Variants in ACLY observed in about 807,000 individuals in gnomAD.
The protein encoded by ACLY is ATP citrate lyase, also known as ATP-citrate synthase.
ACLY carries 41 observed loss-of-function variants against 133.0 expected under a neutral mutation model. That is an observed-to-expected ratio of 0.31 (90% CI 0.24 to 0.40). The LOEUF is 0.40. Among genes scored for constraint, ACLY ranks in the 10% least tolerant of loss-of-function variants. The probability of loss-of-function intolerance (pLI) is 1.00; values close to 1 mark genes in which losing one functional copy is unlikely to be tolerated. For missense variants in ACLY, 1,046 were observed against 1,453.8 expected (o/e 0.72, Z 4.56); for synonymous variants, 495 against 549.3 (o/e 0.90, Z 1.38).
rs782003465 is a variant in ACLY at position 41,878,790 on chromosome 17, C to T, written c.2393+7G>A. 4 of 1,613,626 alleles carry T rather than the reference C, an allele frequency of 2.5e-6. No homozygotes were observed. Among genetic ancestry groups the T allele is most frequent in the Admixed American group, 3.3e-5 (2 of 59,942 alleles). On this transcript the variant is annotated splice_region_variant and intron_variant, in intron 21 of 28. Coordinates refer to ENST00000352035, the MANE Select transcript of ACLY (RefSeq NM_001096.3). ...GGAGGCCGGCATCCTCCCCAAGGTC[C>T]ACTTACTGGATGATCTCTCCAAGCT...
At chr17:41,905,805 G>A (rs1448439848) in intron 8 of ACLY, 147 bp from the exon 9 acceptor site, 1 of 973,050 alleles carries the variant, frequency 1.0e-6, no homozygotes, top group East Asian at 2.5e-5. Context: ...CAATTCCCAT[G>A]CAAGTCTGGC....
upstream of ACLY, among the ~76,000 whole-genome samples, chr17:41,922,767 C>T (rs1408206535): frequency 6.6e-6 from 1 of 152,162 alleles, no homozygotes; most frequent in Non-Finnish European, 1.5e-5. Context: ...TTAGGTGTTG[C>T]TAGGCCTAAG....
chr17:41,893,099 A>G lies in ACLY; in HGVS notation c.1535T>C (p.Met512Thr), dbSNP rs1555629672. The change falls in exon 15 of 29, where the codon ATG (methionine) becomes ACG (threonine). Residue 512 changes from methionine to threonine, a missense_variant. Met to Thr is a moderately conservative substitution (Grantham distance 81, BLOSUM62 -1). Transcript: ENST00000352035. Reference sequence around the variant, plus strand: ...GGAGCAGACATAGTCAAAGTCCAGCATGCCTTGCACGGCCCGGGTCTGCAT... The same window carrying G: ...GGAGCAGACATAGTCAAAGTCCAGCGTGCCTTGCACGGCCCGGGTCTGCAT... Reference protein sequence around the residue: ...WGMQTRAVQGMLDFDYVCSRD... With the variant: ...WGMQTRAVQGTLDFDYVCSRD... 1 of 1,614,072 alleles carries G rather than the reference A, an allele frequency of 6.2e-7. No homozygotes were observed. The highest frequency in any genetic ancestry group is 1.3e-5 in the African/African-American group (1 of 74,942).
intron 1 of ACLY, among the ~76,000 whole-genome samples, chr17:41,915,421 T>TCTC: frequency 6.6e-6 from 1 of 152,036 alleles, no homozygotes; most frequent in Non-Finnish European, 1.5e-5. Flanking sequence ...GGAAGTTGGG[T>TCTC]CTCCGTTCCC....
chr17:41,893,142 T>C lies in ACLY; in HGVS notation c.1492A>G (p.Lys498Glu). 3 of 1,613,786 alleles carry C rather than the reference T, an allele frequency of 1.9e-6. No homozygotes were observed. Among genetic ancestry groups the C allele is most frequent in the Non-Finnish European group, 2.5e-6 (3 of 1,179,844 alleles). The change falls in exon 15 of 29, where the codon AAG (lysine) becomes GAG (glutamate). Residue 498 changes from lysine (K) to glutamate (E), a missense_variant. By Grantham distance (56) the Lys-to-Glu change is moderately conservative. Transcript: ENST00000352035. Reference sequence around the variant, plus strand: ...GTCTGCATGCCCCACACAATGGCCTTGGTGTGGCGGCTGAAGAGGGTGGTG... The same window carrying C: ...GTCTGCATGCCCCACACAATGGCCTCGGTGTGGCGGCTGAAGAGGGTGGTG... ...KSTTLFSRHTKAIVWGMQTRA... is the reference protein window; with the variant it reads ...KSTTLFSRHTEAIVWGMQTRA...
chr17:41,875,428 G>GTCTCCCTCTCCCTCTCCCCACGGTCTCCC (rs1567885455), intron 22 of ACLY, among the ~76,000 whole-genome samples: 11 of 145,560 alleles, frequency 7.6e-5, no homozygotes, highest in African/African-American at 2.8e-4. Flanking sequence ...TCTCCCCACG[G>GTCTCCCTCTCCCTCTCCCCACGGTCTCCC]TCTCCCTCTC....
chr17:41,907,530 T>C lies in ACLY; in HGVS notation c.659A>G (p.Lys220Arg), dbSNP rs782509832. 1.2e-6 allele frequency: 2 copies of C among 1,613,986 alleles called. No individual in the cohort carries two copies. The highest frequency in any genetic ancestry group is 1.1e-5 in the South Asian group (1 of 91,074). ...DGVYVLDLAA[K>R]VDATADYICK... ...GATGTAGTCGGCAGTGGCGTCCACC[T>C]TGGCCGCCAAGTCAAGGACATAGAC... is the stretch of plus-strand genomic sequence containing the variant. The change falls in exon 7 of 29, where the codon AAG becomes AGG. Residue 220 changes from lysine (K) to arginine (R), a missense_variant. By Grantham distance (26) the Lys-to-Arg change is conservative. Coordinates refer to ENST00000352035, the MANE Select transcript of ACLY (RefSeq NM_001096.3).
chr17:41,896,305 C>T (rs2144330481), intron 14 of ACLY, among the ~76,000 whole-genome samples: 1 of 152,306 alleles, frequency 6.6e-6, no homozygotes, highest in South Asian at 2.1e-4. Context: ...ACACTCTCTC[C>T]TTGACACCAC....
At chr17:41,878,004 C>T (rs781939618) in intron 22 of ACLY, 99 bp downstream of exon 22, 62 of 679,956 alleles carry the variant, frequency 9.1e-5, no homozygotes, top group Non-Finnish European at 1.3e-4. Flanking sequence ...TACAGAAGGC[C>T]TGGTTTCCAA....
Position 41,887,579 on chromosome 17 carries a change from T to C in ACLY, c.1875+20A>G. On this transcript the variant is annotated intron_variant, in intron 17 of 28. Transcript: ENST00000352035. Reference sequence around the variant, plus strand: ...TAAGATAGCATCGAACGTAAAAGGCTTTCCGGAGGGGAAGCTCACAGTGGC... The same window carrying C: ...TAAGATAGCATCGAACGTAAAAGGCCTTCCGGAGGGGAAGCTCACAGTGGC... 6.2e-7 allele frequency: 1 copy of C among 1,610,800 alleles called. No homozygotes were observed. The highest frequency in any genetic ancestry group is 8.5e-7 in the Non-Finnish European group (1 of 1,177,132).
intron 8 of ACLY, 140 bp downstream of exon 8, chr17:41,906,388 C>A (rs190229726): frequency 2.9e-6 from 2 of 700,924 alleles, no homozygotes; most frequent in African/African-American, 3.5e-5. Flanking sequence ...CAACATCCCT[C>A]GAAGCCCTCT....
At chr17:41,871,535 AG>A in intron 25 of ACLY, among the ~76,000 whole-genome samples, 153 bp downstream of exon 25, 1 of 152,026 alleles carries the variant, frequency 6.6e-6, no homozygotes, top group South Asian at 2.1e-4. Flanking sequence ...TTGTATTTTT[AG>A]TAGAGACGGG....
rs1244194371 is a variant in ACLY, at chr17:41,906,472, CAT to C, written c.866+54_866+55del. 33 of 1,485,270 alleles carry C rather than the reference CAT, an allele frequency of 2.2e-5. 1 individual carries two copies. In the East Asian group the frequency reaches 3.9e-4, roughly 17 times the overall value. The allele number at this position is 1,485,270 out of a possible 1,614,324, so 92.0% of individuals were successfully genotyped here. On this transcript the variant is annotated intron_variant, in intron 8 of 28. Coordinates refer to ENST00000352035, the MANE Select transcript of ACLY (RefSeq NM_001096.3). ...GGACCCCACCCACCCAGGCTACACACATGTTGATGCTGGGTAGACTGGGCTGG... is the reference window on the plus strand; with the variant it reads ...GGACCCCACCCACCCAGGCTACACACGTTGATGCTGGGTAGACTGGGCTGG...
At chr17:41,925,934 T>C (rs1484358016) in intron 1 of ACLY, among the ~76,000 whole-genome samples, 2 of 152,016 alleles carry the variant, frequency 1.3e-5, no homozygotes, top group African/African-American at 2.4e-5. Context: ...AACCTCTGCC[T>C]CTCGGGTTCA....
rs141649314 is a variant in ACLY, at chr17:41,871,309, T to G, written c.2937+380A>C. On this transcript the variant is annotated intron_variant, in intron 25 of 28. Transcript: ENST00000352035. ...AGCTTAGGTATTCTCCCAAATAAAT[T>G]AATGCCCCCACTATCACCACCCACC... is the stretch of plus-strand genomic sequence containing the variant. Among the ~76,000 whole-genome samples, 340 of 152,156 alleles carry G rather than the reference T, an allele frequency of 2.2e-3. 5 individuals carry two copies. In the East Asian group the frequency reaches 0.024, roughly 11 times the overall value.
chr17:41,886,728 G>C (rs977252615), intron 17 of ACLY, among the ~76,000 whole-genome samples: 3 of 151,988 alleles, frequency 2.0e-5, no homozygotes, highest in Non-Finnish European at 2.9e-5. Flanking sequence ...TTAGGAGTTC[G>C]GGGCTGCTGA....
intron 1 of ACLY, among the ~76,000 whole-genome samples, chr17:41,928,144 T>C (rs1361325317): frequency 6.6e-6 from 1 of 152,020 alleles, no homozygotes; most frequent in Non-Finnish European, 1.5e-5. Flanking sequence ...TCTCAAAAAA[T>C]AAAAATAAAA....
In ACLY at chr17:41,904,174, G is replaced by A. The variant is rs535234450; in HGVS notation, c.1065+555C>T. Among the ~76,000 whole-genome samples, 44 of 122,160 alleles carry A rather than the reference G, an allele frequency of 3.6e-4. No individual in the cohort carries two copies. The East Asian group carries it at 0.012, about 33-fold the overall frequency. The allele number at this position is 122,160 out of a possible 152,430, so 80.1% of individuals were successfully genotyped here. On this transcript the variant is annotated intron_variant, in intron 10 of 28. Transcript: ENST00000352035. ...GAGGGAGGAAGAGAGGGGAGGGAGG[G>A]AGGAAAGGAAGGAAGGGAGGGGAGG...
At chr17:41,871,644 C>G (rs781914054) in intron 25 of ACLY, 45 bp downstream of exon 25, 1 of 1,610,780 alleles carries the variant, frequency 6.2e-7, no homozygotes, top group Non-Finnish European at 8.5e-7. Flanking sequence ...CATGGGCCAC[C>G]GCGCCTGGCC....
Sources: gnomAD v4.1 joint callset for allele counts (sites outside exome capture counted in the v4.1 genomes callset) on GRCh38, gnomAD v4.1.1 for gene constraint, MANE v1.5 for transcripts, NCBI Gene and HGNC (gene_info 2026-07-23, HGNC 2026-07-21) for gene names.